RGS7: variants seen among roughly 807,000 people sequenced by gnomAD.
The protein encoded by RGS7 is regulator of G-protein signaling 7.
In RGS7, 27 loss-of-function variants were observed where a neutral mutation model predicts 81.1. The ratio of observed to expected loss-of-function variants is 0.33; its 90% CI spans 0.25 to 0.46. The LOEUF is 0.46. Ranked by LOEUF, RGS7 falls within the 20% of genes least tolerant of loss-of-function variation. RGS7 has a pLI of 1.00. For missense variants in RGS7, 396 were observed against 607.4 expected (o/e 0.65, Z 3.66); for synonymous variants, 208 against 207.7 (o/e 1.00, Z -0.01).
At chr1:240,963,522 C>T (rs1052999534) in intron 4 of RGS7, among the ~76,000 whole-genome samples, 15 of 152,120 alleles carry the variant, frequency 9.9e-5, no homozygotes, top group African/African-American at 3.6e-4. Flanking sequence ...GTAATGGAAG[C>T]TAAAAAGGAG....
chr1:241,174,725 C>A, intron 2 of RGS7, among the ~76,000 whole-genome samples: 1 of 151,988 alleles, frequency 6.6e-6, no homozygotes, highest in South Asian at 2.1e-4. Context: ...TATCTGGGGA[C>A]AACTGCTTCC....
At chr1:241,347,702 G>T (rs1193461375) in intron 2 of RGS7, among the ~76,000 whole-genome samples, 1 of 152,036 alleles carries the variant, frequency 6.6e-6, no homozygotes, top group Non-Finnish European at 1.5e-5. Context: ...GGTACATGCA[G>T]GCCTTTGTCT....
intron 2 of RGS7, among the ~76,000 whole-genome samples, chr1:241,211,368 A>G (rs2074232699): frequency 6.6e-6 from 1 of 152,198 alleles, no homozygotes. Context: ...TTATGTGGGA[A>G]CCATGCCATT....
At position 241,315,903 on chromosome 1, in the gene RGS7, A is replaced by G. The variant is rs76241086; in HGVS notation, c.78+39796T>C. On this transcript the variant is annotated intron_variant, in intron 2 of 18. Coordinates refer to ENST00000440928, the MANE Select transcript of RGS7 (RefSeq NM_001364886.1). The stretch of plus-strand genomic sequence containing the variant: ...ACATATATTATTAGGCATTTTTATC[A>G]ATAAAGGTTGTTACATTTTGTAAAA... Among the ~76,000 whole-genome samples, 880 of 152,342 alleles carry G rather than the reference A, an allele frequency of 5.8e-3. 5 individuals carry two copies. The highest frequency in any genetic ancestry group is 0.02 in the African/African-American group (811 of 41,582).
chr1:241,112,602 A>C (rs2065597950), intron 2 of RGS7, among the ~76,000 whole-genome samples: 1 of 152,298 alleles, frequency 6.6e-6, no homozygotes, highest in Admixed American at 6.5e-5. Context: ...TGGTTTTCAA[A>C]GTTTTAAAGT....
chr1:241,311,784 A>G (rs1347581534), intron 2 of RGS7, among the ~76,000 whole-genome samples: 2 of 152,252 alleles, frequency 1.3e-5, no homozygotes, highest in Non-Finnish European at 2.9e-5. Context: ...TCAAATGAGC[A>G]TTATAGCAGA....
At chr1:241,238,957 C>CCT (rs777529991) in intron 2 of RGS7, among the ~76,000 whole-genome samples, 2,046 of 125,422 alleles carry the variant, frequency 0.016, 179 homozygotes, top group Middle Eastern at 0.029. Flanking sequence ...ATAGCTATTG[C>CCT]CTCTCTCTCT....
At position 241,163,374 on chromosome 1, in the gene RGS7, A is replaced by T. The variant is rs988933486; in HGVS notation, c.79-64612T>A. Among the ~76,000 whole-genome samples, 2 of 152,144 alleles carry T rather than the reference A, an allele frequency of 1.3e-5. No individual in the cohort carries two copies. The highest frequency in any genetic ancestry group is 4.8e-5 in the African/African-American group (2 of 41,428). On this transcript the variant is annotated intron_variant, in intron 2 of 18. Coordinates refer to ENST00000440928, the MANE Select transcript of RGS7 (RefSeq NM_001364886.1). This position sits in a 1 kb window ranked among gnomAD's most constrained non-coding sequence, Gnocchi z 4.6. ...CCTTCTCGGACATATTTTGAGATGGATGTTCAGAGGGCCAGCAGATAGAAG... is the reference window on the plus strand; with the variant it reads ...CCTTCTCGGACATATTTTGAGATGGTTGTTCAGAGGGCCAGCAGATAGAAG...
chr1:241,102,142 T>C (rs1029552658), intron 2 of RGS7, among the ~76,000 whole-genome samples: 3 of 152,132 alleles, frequency 2.0e-5, no homozygotes, highest in Non-Finnish European at 2.9e-5. Flanking sequence ...TTTATCTTTA[T>C]CCAGACATAA....
rs143955426 is a variant in RGS7, at chr1:240,911,553, C to T, written c.385+19164G>A. On this transcript the variant is annotated intron_variant, in intron 6 of 18. Coordinates refer to ENST00000440928, the MANE Select transcript of RGS7 (RefSeq NM_001364886.1). ...GATTCAAAAATCTTTCTGTCCAACA[C>T]CAATCTCTTGTCTTTACTTTAGAAT... Among the ~76,000 whole-genome samples the T allele has an allele frequency of 5.7e-3, 862 of 152,284 alleles. 10 individuals carry two copies. Among genetic ancestry groups the T allele is most frequent in the African/African-American group, 0.02 (816 of 41,562 alleles).
intron 18 of RGS7, among the ~76,000 whole-genome samples, chr1:240,779,146 A>G (rs546743842): frequency 6.7e-4 from 95 of 142,518 alleles, no homozygotes; most frequent in Non-Finnish European, 1.2e-3. Context: ...TGACAGTCTC[A>G]CTCTGTTGCC....
intron 4 of RGS7, among the ~76,000 whole-genome samples, chr1:240,957,762 G>A (rs1435987392): frequency 6.6e-6 from 1 of 152,166 alleles, no homozygotes; most frequent in Admixed American, 6.5e-5. Flanking sequence ...GAGGGAAACT[G>A]GGGGGTGGGA....
chr1:240,793,611 A>ATATATATATATATATATTTTTTTT, intron 18 of RGS7, among the ~76,000 whole-genome samples: 48 of 78,754 alleles, frequency 6.1e-4, no homozygotes, highest in African/African-American at 3.8e-3. Context: ...ATATATATAT[A>ATATATATATATATATATTTTTTTT]TTTTTTTTTT....
intron 2 of RGS7, among the ~76,000 whole-genome samples, chr1:241,342,541 A>G (rs2082626642): frequency 6.6e-6 from 1 of 152,222 alleles, no homozygotes; most frequent in Admixed American, 6.5e-5. Flanking sequence ...TAATAAGTAA[A>G]TGTAAAAAGC....
intron 3 of RGS7, among the ~76,000 whole-genome samples, chr1:241,042,797 G>A (rs372170370): frequency 5.9e-5 from 9 of 151,830 alleles, no homozygotes; most frequent in South Asian, 4.2e-4. Context: ...AAAATTAGCC[G>A]GGCATGGTAG....
intron 9 of RGS7, among the ~76,000 whole-genome samples, chr1:240,857,291 T>C (rs1279856226): frequency 6.6e-6 from 1 of 152,268 alleles, no homozygotes; most frequent in African/African-American, 2.4e-5. Context: ...AGAATTCCCG[T>C]ATGTCCCCTC....
chr1:240,826,224 G>C (rs1366558851), intron 10 of RGS7, among the ~76,000 whole-genome samples: 1 of 152,190 alleles, frequency 6.6e-6, no homozygotes, highest in African/African-American at 2.4e-5. Flanking sequence ...CTTTGCTTCA[G>C]CTTCTTTATC....
intron 4 of RGS7, among the ~76,000 whole-genome samples, chr1:240,963,184 A>C (rs1156521809): frequency 6.6e-6 from 1 of 152,122 alleles, no homozygotes; most frequent in East Asian, 1.9e-4. Context: ...GATATTTAGG[A>C]GGCAAAGTCT....
chr1:241,270,903 A>T (rs1334238364), intron 2 of RGS7, among the ~76,000 whole-genome samples: 1 of 113,434 alleles, frequency 8.8e-6, no homozygotes, highest in Non-Finnish European at 1.8e-5. Context: ...GGGCTACAGG[A>T]GCCCACCACC....
Sources: allele counts gnomAD v4.1 joint callset (sites outside exome capture counted in the v4.1 genomes callset), GRCh38; gene constraint gnomAD v4.1.1; non-coding constraint Gnocchi (gnomAD v3.1); transcripts MANE v1.5; gene names NCBI Gene and HGNC (gene_info 2026-07-23, HGNC 2026-07-21).